Variants in CPVL observed in about 807,000 individuals in gnomAD.
CPVL encodes the protein probable serine carboxypeptidase CPVL.
A neutral mutation model predicts 63.7 loss-of-function variants in CPVL; 51 were observed. The ratio of observed to expected loss-of-function variants is 0.80; its 90% CI spans 0.64 to 1.01. The LOEUF is 1.01. Among genes scored for constraint, CPVL ranks in the 50% least tolerant of loss-of-function variants. The probability of loss-of-function intolerance (pLI) is 0.00; values close to 1 mark genes in which losing one functional copy is unlikely to be tolerated. For missense variants in CPVL, 530 were observed against 573.1 expected (o/e 0.92, Z 0.77); for synonymous variants, 195 against 206.0 (o/e 0.95, Z 0.46).
intron 5 of CPVL, among the ~76,000 whole-genome samples, chr7:29,180,824 G>A (rs956957163): frequency 6.6e-6 from 1 of 152,122 alleles, no homozygotes; most frequent in Non-Finnish European, 1.5e-5. Context: ...GACAAGACTC[G>A]TATCATCCGT....
chr7:29,103,572 G>A (rs764164879), intron 3 of CPVL, among the ~76,000 whole-genome samples: 2 of 152,016 alleles, frequency 1.3e-5, no homozygotes, highest in Admixed American at 1.3e-4. Flanking sequence ...TGTTTTATAA[G>A]AGGACTTTAT....
chr7:29,117,309 A>G (rs979271207), intron 2 of CPVL, among the ~76,000 whole-genome samples: 8 of 152,250 alleles, frequency 5.3e-5, no homozygotes, highest in African/African-American at 1.9e-4. Flanking sequence ...GGCAAGAAAG[A>G]CAAGAACAGG....
intron 11 of CPVL, among the ~76,000 whole-genome samples, chr7:29,038,345 A>G (rs1788746714): frequency 1.3e-5 from 2 of 152,192 alleles, no homozygotes; most frequent in African/African-American, 4.8e-5. Context: ...TCTTTCCACC[A>G]TGTGAGGATA....
At chr7:29,099,132 T>C (rs1786783903) in intron 3 of CPVL, among the ~76,000 whole-genome samples, 3 of 152,138 alleles carry the variant, frequency 2.0e-5, no homozygotes, top group South Asian at 4.1e-4. Context: ...AGCTACACTG[T>C]ATGCTTGCTG....
chr7:29,061,419 G>T (rs1584136329), intron 11 of CPVL, among the ~76,000 whole-genome samples: 1 of 152,026 alleles, frequency 6.6e-6, no homozygotes, highest in Non-Finnish European at 1.5e-5. Flanking sequence ...TCTCAAAAAA[G>T]AAAAGAAAAG....
At chr7:28,994,919 TGC>T (rs1783933403), downstream of CPVL, among the ~76,000 whole-genome samples, 1 of 152,254 alleles carries the variant, frequency 6.6e-6, no homozygotes, top group Non-Finnish European at 1.5e-5. Context: ...CGAAAAGATG[TGC>T]CAGGATGTGA....
intron 2 of CPVL, among the ~76,000 whole-genome samples, chr7:29,117,182 T>C (rs1788855777): frequency 6.6e-6 from 1 of 152,224 alleles, no homozygotes; most frequent in Non-Finnish European, 1.5e-5. Flanking sequence ...ATTTTAAATG[T>C]TGTCAATCAT....
chr7:29,087,440 A>G (rs1283500898), intron 6 of CPVL, among the ~76,000 whole-genome samples: 1 of 151,776 alleles, frequency 6.6e-6, no homozygotes, highest in Non-Finnish European at 1.5e-5. Flanking sequence ...AAAAAAAAAA[A>G]AAAAGAATGC....
intron 1 of CPVL, chr7:29,192,504 G>A (rs940994066): frequency 6.6e-6 from 1 of 152,200 alleles, no homozygotes; most frequent in Non-Finnish European, 1.5e-5. Context: ...ATAGATTGAA[G>A]ATAAGACATT....
intron 11 of CPVL, among the ~76,000 whole-genome samples, chr7:29,061,599 G>C (rs1791283223): frequency 1.3e-5 from 2 of 152,058 alleles, no homozygotes; most frequent in East Asian, 3.9e-4. Context: ...CAGGTAAGCT[G>C]TTTGTCCCAC....
At chr7:29,151,663 C>T (rs1364971342) in intron 5 of CPVL, among the ~76,000 whole-genome samples, 1 of 152,170 alleles carries the variant, frequency 6.6e-6, no homozygotes, top group East Asian at 1.9e-4. Context: ...CCAGTGTGCT[C>T]AGGATAGTAT....
intron 12 of CPVL, among the ~76,000 whole-genome samples, chr7:29,019,668 C>A (rs1413434703): frequency 2.0e-5 from 3 of 152,218 alleles, no homozygotes; most frequent in Admixed American, 6.5e-5. Flanking sequence ...TGCTGAAAAG[C>A]AAGTCCATGG....
chr7:29,088,453 A>C (rs1401334874), intron 6 of CPVL, among the ~76,000 whole-genome samples: 1 of 141,156 alleles, frequency 7.1e-6, no homozygotes, highest in Non-Finnish European at 1.6e-5. Flanking sequence ...ACAGCCAAAA[A>C]ACTGGCTATT....
intron 1 of CPVL, chr7:29,127,872 T>G (rs245858): frequency 6.6e-6 from 1 of 152,004 alleles, no homozygotes; most frequent in African/African-American, 2.4e-5. Context: ...TCTGCACAAC[T>G]GTCCCTAAAC....
At chr7:29,008,671 G>T (rs1479136618) in intron 12 of CPVL, among the ~76,000 whole-genome samples, 1 of 152,112 alleles carries the variant, frequency 6.6e-6, no homozygotes, top group Non-Finnish European at 1.5e-5. Context: ...TGGTTTCTAT[G>T]CCGAGCACTA....
intron 5 of CPVL, among the ~76,000 whole-genome samples, chr7:29,156,278 T>A (rs1794360454): frequency 6.6e-6 from 1 of 152,234 alleles, no homozygotes; most frequent in South Asian, 2.1e-4. Context: ...CATCTTAGTA[T>A]TGGGATCTGT....
intron 1 of CPVL, among the ~76,000 whole-genome samples, chr7:29,128,664 G>C (rs570274275): frequency 6.7e-6 from 1 of 148,696 alleles, no homozygotes; most frequent in East Asian, 2.0e-4. Flanking sequence ...TGCATGAGCT[G>C]AGATTGCACC....
At chr7:29,119,831 T>G (rs933009281) in intron 2 of CPVL, among the ~76,000 whole-genome samples, 6 of 152,172 alleles carry the variant, frequency 3.9e-5, no homozygotes, top group Non-Finnish European at 7.3e-5. Context: ...CCAGCTGATA[T>G]CTGCATGAAC....
intron 5 of CPVL, among the ~76,000 whole-genome samples, chr7:29,177,262 G>C (rs1296529384): frequency 6.7e-6 from 1 of 149,936 alleles, no homozygotes; most frequent in Admixed American, 6.7e-5. Flanking sequence ...GTTTTGTTTT[G>C]TTTTGTTTTG....
Sources: gnomAD v4.1 joint callset for allele counts (sites outside exome capture counted in the v4.1 genomes callset) on GRCh38, gnomAD v4.1.1 for gene constraint, MANE v1.5 for transcripts, NCBI Gene and HGNC (gene_info 2026-07-23, HGNC 2026-07-21) for gene names.